Variants in KCNB2 observed in about 807,000 individuals in gnomAD.
KCNB2 encodes the protein delayed rectifier potassium channel protein.
KCNB2 carries 15 observed loss-of-function variants against 61.5 expected under a neutral mutation model. That is an observed-to-expected ratio of 0.24 (90% CI 0.16 to 0.38). The LOEUF (loss-of-function observed/expected upper bound fraction) is 0.38. Among genes scored for constraint, KCNB2 ranks in the 10% least tolerant of loss-of-function variants. The pLI is 1.00. For synonymous variants in KCNB2, 457 were observed against 446.0 expected (o/e 1.02, Z -0.31); for missense variants, 828 against 1,125.2 (o/e 0.74, Z 3.78).
chr8:72,574,081 C>T (rs1381397933), intron 2 of KCNB2, among the ~76,000 whole-genome samples: 2 of 152,132 alleles, frequency 1.3e-5, no homozygotes, highest in African/African-American at 4.8e-5. Context: ...ATGTATCATC[C>T]ATGAAGACTA....
chr8:72,856,266 T>C (rs1639394885), intron 2 of KCNB2, among the ~76,000 whole-genome samples: 1 of 152,160 alleles, frequency 6.6e-6, no homozygotes, highest in Non-Finnish European at 1.5e-5. Flanking sequence ...TGAAAATTAA[T>C]ATATACATTT....
chr8:72,776,155 A>T (rs538513263), intron 2 of KCNB2, among the ~76,000 whole-genome samples: 18 of 151,930 alleles, frequency 1.2e-4, no homozygotes, highest in Admixed American at 3.3e-4. Context: ...GCAGGGACAA[A>T]AAACCAAACA....
chr8:72,570,810 A>C (rs568761508), intron 2 of KCNB2, among the ~76,000 whole-genome samples: 1 of 152,148 alleles, frequency 6.6e-6, no homozygotes, highest in African/African-American at 2.4e-5. Context: ...GAGGTAAGAT[A>C]GCTTTAAAGC....
intron 2 of KCNB2, among the ~76,000 whole-genome samples, chr8:72,585,987 A>T (rs899417772): frequency 6.6e-6 from 1 of 152,162 alleles, no homozygotes; most frequent in Admixed American, 6.5e-5. Flanking sequence ...ATTAATTGCT[A>T]TTTCTTATGT....
chr8:72,558,331 T>C (rs1425755896), intron 1 of KCNB2, among the ~76,000 whole-genome samples: 1 of 152,232 alleles, frequency 6.6e-6, no homozygotes, highest in Admixed American at 6.5e-5. Flanking sequence ...TAGGGGTTCA[T>C]ACATATTTGC....
At chr8:72,727,016 A>G (rs545790945) in intron 2 of KCNB2, among the ~76,000 whole-genome samples, 4 of 152,302 alleles carry the variant, frequency 2.6e-5, no homozygotes, top group South Asian at 2.1e-4. Context: ...TCTGCTTTTT[A>G]TCTAATCACT....
intron 2 of KCNB2, among the ~76,000 whole-genome samples, chr8:72,626,513 C>T (rs1805791822): frequency 6.6e-6 from 1 of 152,180 alleles, no homozygotes; most frequent in South Asian, 2.1e-4. Context: ...AGAGCTAGCT[C>T]TTGTTGAATT....
intron 2 of KCNB2, among the ~76,000 whole-genome samples, chr8:72,769,435 A>G (rs1024600436): frequency 4.6e-5 from 7 of 152,214 alleles, no homozygotes; most frequent in African/African-American, 1.7e-4. Flanking sequence ...ATTGCACTAT[A>G]GCAAATGTTC....
intron 2 of KCNB2, among the ~76,000 whole-genome samples, chr8:72,714,090 C>T (rs185546408): frequency 4.9e-4 from 74 of 152,060 alleles, no homozygotes; most frequent in African/African-American, 1.2e-3. Flanking sequence ...TGAAATGAAG[C>T]GTGAAGAAAA....
At chr8:72,789,040 C>T (rs1043484058) in intron 2 of KCNB2, among the ~76,000 whole-genome samples, 1 of 152,068 alleles carries the variant, frequency 6.6e-6, no homozygotes, top group Non-Finnish European at 1.5e-5. Flanking sequence ...GTTTCTAGAA[C>T]ATGACCTTAA....
intron 2 of KCNB2, among the ~76,000 whole-genome samples, chr8:72,614,943 A>C (rs987789102): frequency 1.3e-5 from 2 of 152,110 alleles, no homozygotes; most frequent in Admixed American, 6.6e-5. Context: ...AGCAGAGGCT[A>C]TGTATTGTCC....
At position 72,718,851 on chromosome 8, in the gene KCNB2, T is replaced by G. The variant is rs1035828274; in HGVS notation, c.579+150538T>G. ...AAATAAAAACAGGTGAGTATTGTTATGGGGTTCCTCCCCTCTTTCTTCTGA... is the reference window on the plus strand; with the variant it reads ...AAATAAAAACAGGTGAGTATTGTTAGGGGGTTCCTCCCCTCTTTCTTCTGA... On this transcript the variant is annotated intron_variant, in intron 2 of 2. Coordinates refer to ENST00000523207, the MANE Select transcript of KCNB2 (RefSeq NM_004770.3). 2.0e-5 allele frequency among the ~76,000 whole-genome samples: 3 copies of G among 152,114 alleles called. No individual in the cohort carries two copies. The East Asian group carries it at 5.8e-4, about 29-fold the overall frequency.
chr8:72,836,533 T>C (rs138328161), intron 2 of KCNB2, among the ~76,000 whole-genome samples: 31 of 152,312 alleles, frequency 2.0e-4, no homozygotes, highest in African/African-American at 6.5e-4. Context: ...CTTTAACAAA[T>C]GGCTACCCCA....
chr8:72,821,945 G>T (rs1311212206), intron 2 of KCNB2, among the ~76,000 whole-genome samples: 1 of 152,140 alleles, frequency 6.6e-6, no homozygotes, highest in African/African-American at 2.4e-5. Flanking sequence ...ACCAAGTCCA[G>T]TGGATTCCGC....
intron 2 of KCNB2, among the ~76,000 whole-genome samples, chr8:72,738,707 G>C (rs2253912): frequency 0.18 from 27,744 of 152,154 alleles, 3,367 homozygotes; most frequent in African/African-American, 0.34. Flanking sequence ...TGGTGATTAA[G>C]ATTAATTGGT....
chr8:72,678,426 A>G (rs551386643), intron 2 of KCNB2, among the ~76,000 whole-genome samples: 1 of 151,938 alleles, frequency 6.6e-6, no homozygotes, highest in African/African-American at 2.4e-5. Flanking sequence ...ATTCTGTTGC[A>G]GCCAATCTGG....
chr8:72,705,548 G>A (rs904557624), intron 2 of KCNB2, among the ~76,000 whole-genome samples: 1 of 152,222 alleles, frequency 6.6e-6, no homozygotes, highest in Non-Finnish European at 1.5e-5. Context: ...TCACTGGCAG[G>A]TTGTGCAAGT....
chr8:72,800,523 C>T (rs1190403278), intron 2 of KCNB2, among the ~76,000 whole-genome samples: 1 of 152,098 alleles, frequency 6.6e-6, no homozygotes, highest in African/African-American at 2.4e-5. Context: ...TGTAAAGAAT[C>T]CCCAATGAGG....
At chr8:72,920,270 G>C (rs1806483983) in intron 2 of KCNB2, among the ~76,000 whole-genome samples, 1 of 150,796 alleles carries the variant, frequency 6.6e-6, no homozygotes, top group South Asian at 2.1e-4. Flanking sequence ...TCAATCAATA[G>C]TCTATCAATA....
Sources: allele counts gnomAD v4.1 joint callset (sites outside exome capture counted in the v4.1 genomes callset), GRCh38; gene constraint gnomAD v4.1.1; transcripts MANE v1.5; gene names NCBI Gene and HGNC (gene_info 2026-07-23, HGNC 2026-07-21).